The following TTC39A variants were observed in gnomAD, a reference collection of about 807,000 sequenced individuals.
TTC39A encodes tetratricopeptide repeat protein 39A.
TTC39A carries 46 observed loss-of-function variants against 82.3 expected under a neutral mutation model. The ratio of observed to expected loss-of-function variants is 0.56; its 90% CI spans 0.44 to 0.71. TTC39A has a LOEUF of 0.71. Ranked by LOEUF, TTC39A falls within the 30% of genes least tolerant of loss-of-function variation. The pLI, the probability that TTC39A is intolerant of heterozygous loss-of-function variation, is 0.00. For missense variants in TTC39A, 543 were observed against 712.9 expected, an observed-to-expected ratio of 0.76 and a Z score of 2.71; for synonymous variants, 254 against 275.2, an observed-to-expected ratio of 0.92 and a Z score of 0.76.
intron 8 of TTC39A, 133 bp from the exon 9 acceptor site, chr1:51,303,325 G>A (rs547781170): frequency 2.9e-5 from 21 of 719,696 alleles, no homozygotes; most frequent in Middle Eastern, 4.0e-4. Context: ...GGTCAGCTGT[G>A]TGGCCCTGAG....
chr1:51,331,065 C>G, upstream of TTC39A: 1 of 975,800 alleles, frequency 1.0e-6, no homozygotes, highest in Non-Finnish European at 1.6e-6. Flanking sequence ...GCAGTTCACA[C>G]TGCCTTCTCA....
chr1:51,308,324 C>T (rs1163525023), intron 6 of TTC39A, among the ~76,000 whole-genome samples: 2 of 151,940 alleles, frequency 1.3e-5, no homozygotes, highest in Admixed American at 6.6e-5. Context: ...ACTGCAACCT[C>T]CGCCTCCCTG....
intron 2 of TTC39A, among the ~76,000 whole-genome samples, chr1:51,314,906 T>G (rs1645225786): frequency 6.6e-6 from 1 of 152,228 alleles, no homozygotes; most frequent in Non-Finnish European, 1.5e-5. Flanking sequence ...CAGGGGCCAC[T>G]GCACCAAAGC....
intron 14 of TTC39A, among the ~76,000 whole-genome samples, chr1:51,290,942 C>T (rs1241388217): frequency 6.6e-6 from 1 of 152,202 alleles, no homozygotes; most frequent in Admixed American, 6.5e-5. Context: ...GCTATTATGT[C>T]CTTTCTCCCA....
upstream of TTC39A, among the ~76,000 whole-genome samples, chr1:51,333,220 C>CAAAAAAAA: frequency 2.5e-5 from 2 of 80,284 alleles, no homozygotes; most frequent in Non-Finnish European, 4.9e-5. Context: ...TCGCCCCCAC[C>CAAAAAAAA]AAAAAAAAAA....
intron 13 of TTC39A, among the ~76,000 whole-genome samples, chr1:51,295,150 C>T (rs1003622487): frequency 6.6e-6 from 1 of 152,192 alleles, no homozygotes; most frequent in Non-Finnish European, 1.5e-5. Context: ...GAGGTCCCCC[C>T]AAACTCTTCC....
chr1:51,301,732 G>A lies in TTC39A; in HGVS notation c.893C>T (p.Ala298Val). Residue 298 changes from alanine to valine, a missense_variant and splice_region_variant, in exon 12 of 18, where the codon GCC (alanine) becomes GTC (valine). Physicochemically the swap from Ala to Val is moderately conservative, Grantham distance 64. Coordinates refer to ENST00000680483, the MANE Select transcript of TTC39A (RefSeq NM_001297663.2). The stretch of plus-strand genomic sequence containing the variant: ...ACAGCACTCCTCGAAACGCCGGATG[G>A]CCTGCAGGCACCTTCTGGTCAGCCT... ...IEVIKGNIDA[A>V]IRRFEECCEA... 1 of 1,602,646 alleles carries A rather than the reference G, an allele frequency of 6.2e-7. No homozygotes were observed. Among genetic ancestry groups the A allele is most frequent in the Non-Finnish European group, 8.5e-7 (1 of 1,172,214 alleles).
rs1308516401 is a variant in TTC39A at position 51,330,052 on chromosome 1, G to C, written c.41+385C>G. ...CGCAACTCTTACCTCCTGGGTGACC[G>C]ATGACAAGTCACTTAAGTGCTGTGT... On this transcript the variant is annotated intron_variant, in intron 1 of 17. Transcript: ENST00000680483. The surrounding 1 kb of genome is among the most constrained non-coding windows in gnomAD (Gnocchi z 4.5). The C allele has an allele frequency of 1.2e-6, 1 of 825,228 alleles. No homozygotes were observed. Among genetic ancestry groups the C allele is most frequent in the East Asian group, 1.2e-4 (1 of 8,088 alleles). The allele number at this position is 825,228 out of a possible 1,614,324, so 51.1% of individuals were successfully genotyped here.
intron 14 of TTC39A, among the ~76,000 whole-genome samples, chr1:51,293,098 A>C (rs1644284002): frequency 2.3e-5 from 3 of 129,456 alleles, no homozygotes; most frequent in African/African-American, 5.9e-5. Flanking sequence ...ATGGAGTTTC[A>C]CTCTTGTTGC....
rs1645497350 is a variant in TTC39A at position 51,321,019 on chromosome 1, C to T, written c.146+702G>A. ...TCCTGAGTAGCTGGGATTACAGGCA[C>T]ACACCACCACACCCAGCTAATTTTT... On this transcript the variant is annotated intron_variant, in intron 2 of 17. Transcript: ENST00000680483. This position sits in a 1 kb window ranked among gnomAD's most constrained non-coding sequence, Gnocchi z 4.6. 6.6e-6 allele frequency among the ~76,000 whole-genome samples: 1 copy of T among 151,886 alleles called. No individual in the cohort carries two copies. The highest frequency in any genetic ancestry group is 2.4e-5 in the African/African-American group (1 of 41,348).
chr1:51,303,329 C>T lies in TTC39A; in HGVS notation c.655-137G>A, dbSNP rs1644750132. 7 of 707,040 alleles carry T rather than the reference C, an allele frequency of 9.9e-6. No homozygotes were observed. In the Admixed American group the frequency reaches 1.7e-4, roughly 17 times the overall value. The allele number at this position is 707,040 out of a possible 1,614,324, so 43.8% of individuals were successfully genotyped here. ...CCTGGGGGCCAGGTCAGCTGTGTGG[C>T]CCTGAGCAAGTGGCTGCCCCTCAGT... On this transcript the variant is annotated intron_variant, in intron 8 of 17. Coordinates refer to ENST00000680483, the MANE Select transcript of TTC39A (RefSeq NM_001297663.2).
At chr1:51,342,924 T>C (rs1646055010) in intron 1 of TTC39A, 1 of 414,474 alleles carries the variant, frequency 2.4e-6, no homozygotes, top group African/African-American at 2.0e-5. Flanking sequence ...TCCTAACCCA[T>C]ACCCCAGCAT....
At chr1:51,311,943 C>T (rs936531203) in intron 4 of TTC39A, among the ~76,000 whole-genome samples, 176 bp downstream of exon 4, 8 of 152,252 alleles carry the variant, frequency 5.3e-5, no homozygotes, top group Admixed American at 5.2e-4. Context: ...CTGCCCCCCA[C>T]ACCCTCACTA....
intron 1 of TTC39A, among the ~76,000 whole-genome samples, chr1:51,336,593 G>T (rs1417965657): frequency 6.6e-6 from 1 of 152,138 alleles, no homozygotes; most frequent in African/African-American, 2.4e-5. Context: ...CAGCATTGAT[G>T]GCAACCTTTC....
chr1:51,315,113 C>G (rs1186767566), intron 2 of TTC39A, among the ~76,000 whole-genome samples: 1 of 152,142 alleles, frequency 6.6e-6, no homozygotes, highest in African/African-American at 2.4e-5. Flanking sequence ...TCAGCACCAC[C>G]TGCCCAGCCC....
upstream of TTC39A, chr1:51,331,411 A>G: frequency 6.9e-7 from 1 of 1,450,320 alleles, no homozygotes; most frequent in East Asian, 2.5e-5. Context: ...GCTGCTCTTA[A>G]CCATGACTCA....
intron 3 of TTC39A, among the ~76,000 whole-genome samples, chr1:51,312,405 G>A (rs1481504207): frequency 6.6e-6 from 1 of 152,202 alleles, no homozygotes. Flanking sequence ...GTCAAATGGG[G>A]ACAGTTACCA....
chr1:51,307,603 C>T (rs193232252), intron 6 of TTC39A, among the ~76,000 whole-genome samples: 30 of 151,918 alleles, frequency 2.0e-4, no homozygotes, highest in East Asian at 7.7e-4. Flanking sequence ...GGTGGGGTGG[C>T]GTATGTCTGT....
chr1:51,305,211 T>C (rs1644825807), intron 7 of TTC39A, 65 bp from the exon 8 acceptor site: 1 of 1,514,278 alleles, frequency 6.6e-7, no homozygotes, highest in East Asian at 2.3e-5. Flanking sequence ...ACCCCCACTG[T>C]CCCAAGTCTA....
Sources: allele counts gnomAD v4.1 joint callset (sites outside exome capture counted in the v4.1 genomes callset), GRCh38; gene constraint gnomAD v4.1.1; non-coding constraint Gnocchi (gnomAD v3.1); transcripts MANE v1.5; gene names NCBI Gene and HGNC (gene_info 2026-07-23, HGNC 2026-07-21).